The following FAF1 variants were observed in gnomAD, a reference collection of about 807,000 sequenced individuals.
FAF1 encodes the protein Fas associated factor 1.
FAF1 carries 25 observed loss-of-function variants against 92.5 expected under a neutral mutation model. That is an observed-to-expected ratio of 0.27 (90% CI 0.20 to 0.38). The LOEUF is 0.38. Ranked by LOEUF, FAF1 falls within the 10% of genes least tolerant of loss-of-function variation. FAF1 has a pLI of 1.00. For missense variants in FAF1, 636 were observed against 793.3 expected, an observed-to-expected ratio of 0.80 and a Z score of 2.38; for synonymous variants, 234 against 273.2, an observed-to-expected ratio of 0.86 and a Z score of 1.42.
At chr1:50,648,131 C>T (rs1418578077) in intron 8 of FAF1, among the ~76,000 whole-genome samples, 1 of 152,078 alleles carries the variant, frequency 6.6e-6, no homozygotes, top group African/African-American at 2.4e-5. Context: ...CAGTGGCACA[C>T]GCCTGTAATC....
In FAF1 at chr1:50,598,069, G is replaced by A. The variant is rs554936418; in HGVS notation, c.745-1853C>T. On this transcript the variant is annotated intron_variant, in intron 8 of 18. Transcript: ENST00000396153. ...AGCACTTTGCAAGGCTGAGTCAGGAGGATAGCCTGAGCTCAGGAGTTCAAG... is the reference window on the plus strand; with the variant it reads ...AGCACTTTGCAAGGCTGAGTCAGGAAGATAGCCTGAGCTCAGGAGTTCAAG... Among the ~76,000 whole-genome samples, 13 of 152,286 alleles carry A rather than the reference G, an allele frequency of 8.5e-5. No individual in the cohort carries two copies. In the South Asian group the frequency reaches 1.7e-3, roughly 19 times the overall value.
chr1:50,957,556 T>C (rs1350612220), intron 1 of FAF1, among the ~76,000 whole-genome samples: 1 of 151,948 alleles, frequency 6.6e-6, no homozygotes, highest in Non-Finnish European at 1.5e-5. Flanking sequence ...GGTTTCGCCA[T>C]GTTCACCAGG....
intron 3 of FAF1, among the ~76,000 whole-genome samples, chr1:50,796,331 A>T (rs940978508): frequency 3.9e-5 from 6 of 152,106 alleles, no homozygotes; most frequent in African/African-American, 1.4e-4. Context: ...TCAACCACTG[A>T]TGTTAGCTTC....
intron 8 of FAF1, 107 bp downstream of exon 8, chr1:50,655,335 A>G (rs569302987): frequency 1.2e-6 from 1 of 803,790 alleles, no homozygotes; most frequent in South Asian, 1.4e-5. Context: ...TAATTCTTTC[A>G]ATGGAAGACT....
intron 4 of FAF1, among the ~76,000 whole-genome samples, chr1:50,761,781 G>C (rs1335306020): frequency 1.3e-5 from 2 of 152,072 alleles, no homozygotes; most frequent in Non-Finnish European, 2.9e-5. Context: ...ACTGGCACAA[G>C]ACAGGGATGC....
At chr1:50,914,944 T>C (rs919214498) in intron 1 of FAF1, among the ~76,000 whole-genome samples, 1 of 152,248 alleles carries the variant, frequency 6.6e-6, no homozygotes. Flanking sequence ...GTTTCCTAAC[T>C]GGTCTTCCTA....
chr1:50,734,676 T>G (rs368676714), intron 6 of FAF1, among the ~76,000 whole-genome samples: 2 of 150,906 alleles, frequency 1.3e-5, no homozygotes, highest in Non-Finnish European at 3.0e-5. Flanking sequence ...GGAGCTTGCA[T>G]TGAGCCGAGA....
chr1:50,629,090 T>C (rs1471483028), intron 8 of FAF1, among the ~76,000 whole-genome samples: 1 of 152,040 alleles, frequency 6.6e-6, no homozygotes, highest in Non-Finnish European at 1.5e-5. Context: ...TTAAGTGATA[T>C]CTATTATTGT....
chr1:50,448,372 C>CTT (rs138634218), intron 18 of FAF1, among the ~76,000 whole-genome samples: 16 of 151,780 alleles, frequency 1.1e-4, no homozygotes, highest in Non-Finnish European at 1.8e-4. Flanking sequence ...AAATTGAGAC[C>CTT]TTTTTTTTGC....
chr1:50,475,276 T>G (rs538665447), intron 18 of FAF1, among the ~76,000 whole-genome samples, 188 bp downstream of exon 18: 2 of 152,258 alleles, frequency 1.3e-5, no homozygotes, highest in East Asian at 1.9e-4. Context: ...TGGGTACATA[T>G]CTGCTGGCCT....
In FAF1 at chr1:50,763,682, T is replaced by C. The variant is rs182504910; in HGVS notation, c.368-18907A>G. ...TATGTCTTCATATTCACTGACCTTT[T>C]CAACAGTTAAACTGTTAAATCCATC... On this transcript the variant is annotated intron_variant, in intron 4 of 18. Transcript: ENST00000396153. Among the ~76,000 whole-genome samples the C allele has an allele frequency of 2.0e-5, 3 of 152,302 alleles. No individual in the cohort carries two copies. The East Asian group carries it at 5.8e-4, about 29-fold the overall frequency.
At chr1:50,675,116 C>T (rs1170862770) in intron 7 of FAF1, among the ~76,000 whole-genome samples, 4 of 152,192 alleles carry the variant, frequency 2.6e-5, no homozygotes, top group African/African-American at 9.7e-5. Context: ...GTCTCAAACT[C>T]CTGACCTCAG....
chr1:50,733,934 T>C (rs1025312728), intron 6 of FAF1, among the ~76,000 whole-genome samples: 2 of 152,136 alleles, frequency 1.3e-5, no homozygotes, highest in Non-Finnish European at 2.9e-5. Context: ...GTAGCTCGGG[T>C]TACAGGCGTG....
chr1:50,514,398 G>A (rs1423173548), intron 15 of FAF1, among the ~76,000 whole-genome samples: 1 of 152,090 alleles, frequency 6.6e-6, no homozygotes, highest in Non-Finnish European at 1.5e-5. Flanking sequence ...ATTATCTGCT[G>A]GTGCTCAAAA....
intron 1 of FAF1, among the ~76,000 whole-genome samples, chr1:50,866,968 A>G (rs1644486673): frequency 6.6e-6 from 1 of 152,160 alleles, no homozygotes; most frequent in African/African-American, 2.4e-5. Context: ...CCAAAACATC[A>G]TGGTACTGGT....
chr1:50,534,538 T>C (rs1648363758), intron 15 of FAF1, among the ~76,000 whole-genome samples: 1 of 152,142 alleles, frequency 6.6e-6, no homozygotes, highest in Admixed American at 6.6e-5. Flanking sequence ...CCTCCCAAAG[T>C]GCTGGGATTA....
chr1:50,762,892 G>A (rs761689853), intron 4 of FAF1, among the ~76,000 whole-genome samples: 14 of 152,174 alleles, frequency 9.2e-5, no homozygotes, highest in Non-Finnish European at 1.9e-4. Flanking sequence ...TACCATCAGA[G>A]TGAACAGGCA....
chr1:50,813,942 G>A (rs890136491), intron 2 of FAF1, among the ~76,000 whole-genome samples: 6 of 152,074 alleles, frequency 3.9e-5, no homozygotes, highest in African/African-American at 1.4e-4. Flanking sequence ...CTCAGAAGAT[G>A]TCTGAAACTA....
At chr1:50,686,635 G>A (rs1021153894) in intron 7 of FAF1, among the ~76,000 whole-genome samples, 4 of 151,146 alleles carry the variant, frequency 2.6e-5, no homozygotes, top group Middle Eastern at 3.4e-3. Flanking sequence ...GGGGGAGAGC[G>A]GAGGAACACG....
Sources: allele counts gnomAD v4.1 joint callset (sites outside exome capture counted in the v4.1 genomes callset), GRCh38; gene constraint gnomAD v4.1.1; transcripts MANE v1.5; gene names NCBI Gene and HGNC (gene_info 2026-07-23, HGNC 2026-07-21).